Variants in FKTN observed in about 807,000 individuals in gnomAD.
FKTN encodes the protein fukutin, also known as ribitol-5-phosphate transferase FKTN.
Under a neutral mutation model 58.6 loss-of-function variants are expected in FKTN, and 47 were observed. That is an observed-to-expected ratio of 0.80 (90% confidence interval 0.63 to 1.02). The LOEUF (loss-of-function observed/expected upper bound fraction) is 1.02, where lower values mean the gene tolerates loss of function less well. FKTN is among the 50% of genes least tolerant of loss of function. FKTN has a pLI of 0.00. For missense variants in FKTN, 516 were observed against 537.3 expected, an observed-to-expected ratio of 0.96 and a Z score of 0.39; for synonymous variants, 178 against 191.9, an observed-to-expected ratio of 0.93 and a Z score of 0.60.
chr9:105,635,916 T>C lies in FKTN; in HGVS notation c.*652T>C. On this transcript the variant is annotated 3_prime_UTR_variant, in exon 11 of 11. Coordinates refer to ENST00000357998, the MANE Select transcript of FKTN (RefSeq NM_001079802.2). ...GTCAGGATAAGTAAATTTCTGTACA[T>C]GTACTGTTTTCATATGTGAAGTGAG... The C allele has an allele frequency of 3.0e-6, 3 of 988,484 alleles. No homozygotes were observed. The highest frequency in any genetic ancestry group is 3.6e-6 in the Non-Finnish European group (3 of 831,680). 61.2% of individuals were successfully genotyped at this position (988,484 alleles called of 1,614,324 possible).
intron 1 of FKTN, among the ~76,000 whole-genome samples, chr9:105,563,675 C>A (rs1326611479): frequency 1.3e-5 from 2 of 152,162 alleles, no homozygotes; most frequent in African/African-American, 4.8e-5. Flanking sequence ...TGGGTGGAGC[C>A]CACCACAGCT....
At chr9:105,566,054 G>A (rs1213891009) in intron 1 of FKTN, among the ~76,000 whole-genome samples, 1 of 152,160 alleles carries the variant, frequency 6.6e-6, no homozygotes, top group Non-Finnish European at 1.5e-5. Context: ...TGACTACTGG[G>A]TACATAACAA....
Position 105,635,331 on chromosome 9 carries a change from A to T in FKTN, c.*67A>T. 6.2e-7 allele frequency: 1 copy of T among 1,608,262 alleles called. No individual in the cohort carries two copies. Among genetic ancestry groups the T allele is most frequent in the Non-Finnish European group, 8.5e-7 (1 of 1,177,188 alleles). On this transcript the variant is annotated 3_prime_UTR_variant, in exon 11 of 11. Transcript: ENST00000357998. ...AGGTAGATAACTGTTTAAAAAATAC[A>T]TGTCTATTTGTCAAACATAAGTGGG...
chr9:105,588,731 T>C (rs940738021), intron 3 of FKTN, among the ~76,000 whole-genome samples: 1 of 152,258 alleles, frequency 6.6e-6, no homozygotes, highest in African/African-American at 2.4e-5. Context: ...CTCTGCATAG[T>C]ATACCTATGG....
At chr9:105,613,536 C>T (rs1490840226) in intron 7 of FKTN, among the ~76,000 whole-genome samples, 1 of 152,168 alleles carries the variant, frequency 6.6e-6, no homozygotes, top group African/African-American at 2.4e-5. Context: ...CTGGGAGGGG[C>T]TTAGTCAATC....
At chr9:105,622,845 C>G (rs1016129873) in intron 10 of FKTN, among the ~76,000 whole-genome samples, 1 of 152,020 alleles carries the variant, frequency 6.6e-6, no homozygotes, top group Admixed American at 6.6e-5. Flanking sequence ...CCATGCTGCA[C>G]TGGCATAAGG....
chr9:105,625,637 G>T (rs770779384), intron 10 of FKTN, among the ~76,000 whole-genome samples: 14 of 152,150 alleles, frequency 9.2e-5, no homozygotes, highest in Non-Finnish European at 1.6e-4. Context: ...ACCATGCCTG[G>T]CTGTGAACAA....
At chr9:105,567,194 C>G (rs1187633718) in intron 1 of FKTN, among the ~76,000 whole-genome samples, 1 of 152,148 alleles carries the variant, frequency 6.6e-6, no homozygotes, top group African/African-American at 2.4e-5. Context: ...CAATATCATA[C>G]TGAATGGGCA....
In FKTN at chr9:105,640,477, C is replaced by A; in HGVS notation, c.*5213C>A. 5.8e-6 allele frequency: 1 copy of A among 171,366 alleles called. No individual in the cohort carries two copies. The highest frequency in any genetic ancestry group is 1.9e-4 in the South Asian group (1 of 5,316). The allele number at this position is 171,366 out of a possible 1,614,324, so 10.6% of individuals were successfully genotyped here. A position where few individuals can be genotyped will look rare whatever the true frequency, so the allele number is the denominator to read the frequency against. ...CTGAGGCAGGAGAATCACTTGAACCCGGGAAGCAGAGTCTGCAGTGAGCCA... is the reference window on the plus strand; with the variant it reads ...CTGAGGCAGGAGAATCACTTGAACCAGGGAAGCAGAGTCTGCAGTGAGCCA... On this transcript the variant is annotated 3_prime_UTR_variant, in exon 11 of 11. Transcript: ENST00000357998.
chr9:105,566,308 A>C (rs992428304), intron 1 of FKTN, among the ~76,000 whole-genome samples: 2 of 152,174 alleles, frequency 1.3e-5, no homozygotes, highest in East Asian at 1.9e-4. Flanking sequence ...TCAGAGCGGA[A>C]CTGCAGGAGA....
intron 6 of FKTN, among the ~76,000 whole-genome samples, chr9:105,607,563 C>T (rs927591138): frequency 9.2e-5 from 14 of 151,708 alleles, no homozygotes; most frequent in African/African-American, 3.4e-4. Context: ...AAGAGGCTGC[C>T]AGTATTCTGG....
chr9:105,594,173 T>C (rs577741485), intron 3 of FKTN, among the ~76,000 whole-genome samples: 51 of 152,234 alleles, frequency 3.4e-4, no homozygotes, highest in Non-Finnish European at 6.9e-4. Context: ...TGGCCTTAGA[T>C]AGGAACATAG....
chr9:105,570,241 G>C (rs1192116738), intron 1 of FKTN, among the ~76,000 whole-genome samples: 1 of 152,048 alleles, frequency 6.6e-6, no homozygotes, highest in East Asian at 1.9e-4. Flanking sequence ...GCATTGTGCA[G>C]TGTATTTTTA....
chr9:105,584,082 G>T (rs1327012914), intron 3 of FKTN, among the ~76,000 whole-genome samples: 2 of 152,072 alleles, frequency 1.3e-5, no homozygotes, highest in African/African-American at 4.8e-5. Flanking sequence ...ATTAGCTGTG[G>T]GATCTTGAGT....
intron 3 of FKTN, among the ~76,000 whole-genome samples, chr9:105,587,872 A>T (rs1407228331): frequency 1.3e-5 from 2 of 152,124 alleles, no homozygotes; most frequent in Non-Finnish European, 1.5e-5. Context: ...GTGGCTTGGG[A>T]GTAAATATAA....
At chr9:105,585,167 G>A (rs1843686517) in intron 3 of FKTN, among the ~76,000 whole-genome samples, 1 of 152,196 alleles carries the variant, frequency 6.6e-6, no homozygotes, top group Non-Finnish European at 1.5e-5. Context: ...GTGCCTGCCT[G>A]TAATCCCAGC....
At chr9:105,613,480 T>C (rs1830288154) in intron 7 of FKTN, among the ~76,000 whole-genome samples, 1 of 152,230 alleles carries the variant, frequency 6.6e-6, no homozygotes, top group Non-Finnish European at 1.5e-5. Context: ...TATTCTTTCC[T>C]ACTATATTGT....
intron 10 of FKTN, among the ~76,000 whole-genome samples, chr9:105,623,660 A>C (rs1348652222): frequency 2.0e-5 from 3 of 152,120 alleles, no homozygotes; most frequent in African/African-American, 7.2e-5. Flanking sequence ...TGTGTAATTT[A>C]TCACTTCATT....
At chr9:105,575,282 C>A in intron 3 of FKTN, 145 bp downstream of exon 3, 1 of 645,008 alleles carries the variant, frequency 1.6e-6, no homozygotes, top group Non-Finnish European at 2.8e-6. Flanking sequence ...ATTAAAAATT[C>A]AGTTAAATAT....
Sources: allele counts gnomAD v4.1 joint callset (sites outside exome capture counted in the v4.1 genomes callset), GRCh38; gene constraint gnomAD v4.1.1; transcripts MANE v1.5; gene names NCBI Gene and HGNC (gene_info 2026-07-23, HGNC 2026-07-21).